Variants in SSR1 observed in about 807,000 individuals in gnomAD.
SSR1 encodes signal sequence receptor subunit 1.
In SSR1, 13 loss-of-function variants were observed where a neutral mutation model predicts 36.1. That is an observed-to-expected ratio of 0.36 (90% CI 0.23 to 0.57). SSR1 has a LOEUF of 0.57. SSR1 is among the 20% of genes least tolerant of loss of function. The pLI is 0.81. For missense variants in SSR1, 291 were observed against 338.5 expected (o/e 0.86, Z 1.10); for synonymous variants, 113 against 118.9 (o/e 0.95, Z 0.32).
Position 7,282,345 on chromosome 6 carries a change from A to G in SSR1, c.*7519T>C, listed in dbSNP as rs2113256031. 1 of 152,454 alleles carries G rather than the reference A, an allele frequency of 6.6e-6. No individual in the cohort carries two copies. Among genetic ancestry groups the G allele is most frequent in the South Asian group, 2.1e-4 (1 of 4,824 alleles). 9.4% of individuals were successfully genotyped at this position (152,454 alleles called of 1,614,324 possible). A position where few individuals can be genotyped will look rare whatever the true frequency, so the allele number is the denominator to read the frequency against. On this transcript the variant is annotated 3_prime_UTR_variant, in exon 8 of 8. Transcript: ENST00000244763. ...CCAATTAGACGGGCACAAGAGAAAA[A>G]CAGCCAGAGACCGAGAAAACGGCGG...
At position 7,301,573 on chromosome 6, in the gene SSR1, C is replaced by T. The variant is rs754030396; in HGVS notation, c.281-1G>A. On this transcript the variant is annotated splice_acceptor_variant, in intron 3 of 7. Transcript: ENST00000244763. LOFTEE classifies it high-confidence loss of function. ...TTCACAATGTTATTTGCTGGAAAAT[C>T]TGAGAAACAAAATAGAGACAAAAAA... 1 of 1,601,100 alleles carries T rather than the reference C, an allele frequency of 6.2e-7. No individual in the cohort carries two copies. Among genetic ancestry groups the T allele is most frequent in the Non-Finnish European group, 8.5e-7 (1 of 1,176,520 alleles).
intron 5 of SSR1, 29 bp from the exon 6 acceptor site, chr6:7,298,030 T>C: frequency 2.6e-6 from 4 of 1,545,382 alleles, no homozygotes; most frequent in Non-Finnish European, 3.6e-6. Context: ...ATATGAACTG[T>C]CTTTAATTCA....
chr6:7,290,084 A>C (rs924928640), intron 7 of SSR1, among the ~76,000 whole-genome samples, 153 bp from the exon 8 acceptor site: 4 of 152,258 alleles, frequency 2.6e-5, no homozygotes, highest in Admixed American at 2.0e-4. Context: ...ATCTAGCTCT[A>C]GGTTTTAAAA....
intron 2 of SSR1, among the ~76,000 whole-genome samples, chr6:7,306,781 TGGCG>T (rs1353651001): frequency 6.6e-6 from 1 of 151,724 alleles, no homozygotes; most frequent in Admixed American, 6.6e-5. Flanking sequence ...CCGGGTGTGG[TGGCG>T]GGCGCCTATA....
intron 2 of SSR1, among the ~76,000 whole-genome samples, chr6:7,307,595 G>A (rs890343849): frequency 2.6e-5 from 4 of 152,172 alleles, no homozygotes; most frequent in East Asian, 3.8e-4. Context: ...AGGCTGGAGT[G>A]CAGTGACACA....
At chr6:7,299,716 G>A (rs1757891805) in intron 4 of SSR1, among the ~76,000 whole-genome samples, 1 of 151,804 alleles carries the variant, frequency 6.6e-6, no homozygotes, top group Non-Finnish European at 1.5e-5. Flanking sequence ...ACAGTGGGCT[G>A]GAAACCAATT....
chr6:7,303,765 C>T, intron 2 of SSR1, 128 bp from the exon 3 acceptor site: 1 of 611,808 alleles, frequency 1.6e-6, no homozygotes, highest in Non-Finnish European at 2.8e-6. Flanking sequence ...GCAGGCAGAT[C>T]ACCTGAAGTC....
In SSR1 at chr6:7,288,020, A is replaced by G. The variant is rs1469722026; in HGVS notation, c.*1844T>C. The stretch of plus-strand genomic sequence containing the variant: ...GGCTGATATGTAAGGCAAGTTATTT[A>G]GGAATGAGGAGGGCTGACAGCTGTA... On this transcript the variant is annotated 3_prime_UTR_variant, in exon 8 of 8. Coordinates refer to ENST00000244763, the MANE Select transcript of SSR1 (RefSeq NM_003144.5). 1 of 152,236 alleles carries G rather than the reference A, an allele frequency of 6.6e-6. No homozygotes were observed. The highest frequency in any genetic ancestry group is 1.5e-5 in the Non-Finnish European group (1 of 68,032). The allele number at this position is 152,236 out of a possible 1,614,324, so 9.4% of individuals were successfully genotyped here.
chr6:7,299,290 C>T (rs1757873090), intron 4 of SSR1, among the ~76,000 whole-genome samples: 1 of 152,232 alleles, frequency 6.6e-6, no homozygotes, highest in African/African-American at 2.4e-5. Flanking sequence ...CGCCAACAAG[C>T]TTTACCTTCT....
At position 7,286,916 on chromosome 6, in the gene SSR1, C is replaced by CAAAAAA. The variant is rs55986029; in HGVS notation, c.*2942_*2947dup. On this transcript the variant is annotated 3_prime_UTR_variant, in exon 8 of 8. Transcript: ENST00000244763. ...GACACAGAGACTCCGTCTCAGGGGG[C>CAAAAAA]AAAAAAAAAAAAAAAAAAAAAAGTA... is the stretch of plus-strand genomic sequence containing the variant. 1.1e-5 allele frequency: 1 copy of CAAAAAA among 87,882 alleles called. No individual in the cohort carries two copies. The highest frequency in any genetic ancestry group is 2.1e-5 in the Non-Finnish European group (1 of 48,640). The allele number at this position is 87,882 out of a possible 1,614,324, so 5.4% of individuals were successfully genotyped here. A position where few individuals can be genotyped will look rare whatever the true frequency, so the allele number is the denominator to read the frequency against.
intron 7 of SSR1, among the ~76,000 whole-genome samples, chr6:7,292,759 T>A (rs1757711151): frequency 6.6e-6 from 1 of 152,188 alleles, no homozygotes; most frequent in Non-Finnish European, 1.5e-5. Context: ...TCAAAAGTTG[T>A]TAGCATAGCT....
intron 2 of SSR1, among the ~76,000 whole-genome samples, chr6:7,309,594 A>G (rs1428920431): frequency 6.6e-6 from 1 of 152,196 alleles, no homozygotes; most frequent in African/African-American, 2.4e-5. Context: ...TGGGAGGTAA[A>G]TGAATCACGG....
intron 5 of SSR1, among the ~76,000 whole-genome samples, 192 bp from the exon 6 acceptor site, chr6:7,298,193 T>TA (rs531454385): frequency 1.7e-3 from 263 of 152,104 alleles, no homozygotes; most frequent in African/African-American, 6.0e-3. Flanking sequence ...ATTAGTCAAT[T>TA]AAAAAAAACT....
chr6:7,306,645 A>ACG (rs1561834975), intron 2 of SSR1, among the ~76,000 whole-genome samples: 16 of 151,692 alleles, frequency 1.1e-4, no homozygotes, highest in African/African-American at 3.6e-4. Context: ...GGCCAGGTGC[A>ACG]GTGGCTCATG....
Position 7,285,292 on chromosome 6 carries a change from T to C in SSR1, c.*4572A>G, listed in dbSNP as rs1447921258. On this transcript the variant is annotated 3_prime_UTR_variant, in exon 8 of 8. Coordinates refer to ENST00000244763, the MANE Select transcript of SSR1 (RefSeq NM_003144.5). The surrounding 1 kb of genome is among the most constrained non-coding windows in gnomAD (Gnocchi z 4.1). ...GCAATTTGGAGACTTTAAACAAGGA[T>C]TATCCTTTCTACAGGCATACTGAAT... The C allele has an allele frequency of 6.6e-6, 1 of 152,188 alleles. No homozygotes were observed. Among genetic ancestry groups the C allele is most frequent in the African/African-American group, 2.4e-5 (1 of 41,450 alleles). 9.4% of individuals were successfully genotyped at this position (152,188 alleles called of 1,614,324 possible).
At chr6:7,297,807 A>G (rs750104078) in intron 6 of SSR1, 116 bp downstream of exon 6, 7 of 671,250 alleles carry the variant, frequency 1.0e-5, no homozygotes, top group African/African-American at 1.8e-5. Context: ...AAGGTACAAC[A>G]AAGTTCTACG....
chr6:7,296,143 C>T (rs1050167577), intron 6 of SSR1, among the ~76,000 whole-genome samples: 7 of 152,118 alleles, frequency 4.6e-5, no homozygotes, highest in African/African-American at 1.7e-4. Context: ...CAAACTTTCT[C>T]CCTAGAGTAT....
intron 2 of SSR1, 37 bp downstream of exon 2, chr6:7,309,880 T>C (rs888468824): frequency 2.8e-5 from 40 of 1,435,454 alleles, no homozygotes; most frequent in Non-Finnish European, 3.9e-5. Flanking sequence ...TACAATTACA[T>C]ACATTTTACA....
At chr6:7,306,870 C>G (rs968797195) in intron 2 of SSR1, among the ~76,000 whole-genome samples, 4 of 150,162 alleles carry the variant, frequency 2.7e-5, no homozygotes, top group African/African-American at 9.8e-5. Flanking sequence ...GAGCGGAGAT[C>G]CACGCCACTG....
Sources: gnomAD v4.1 joint callset for allele counts (sites outside exome capture counted in the v4.1 genomes callset) on GRCh38, gnomAD v4.1.1 for gene constraint, Gnocchi (gnomAD v3.1) non-coding constraint, MANE v1.5 for transcripts, NCBI Gene and HGNC (gene_info 2026-07-23, HGNC 2026-07-21) for gene names.